Variants in DCC observed in about 807,000 individuals in gnomAD.
DCC encodes DCC netrin 1 receptor, also known as netrin receptor DCC.
DCC carries 58 observed loss-of-function variants against 172.5 expected under a neutral mutation model. That is an observed-to-expected ratio of 0.34 (90% CI 0.27 to 0.42). The LOEUF is 0.42. DCC is among the 10% of genes least tolerant of loss of function. The probability of loss-of-function intolerance (pLI) is 1.00; values close to 1 mark genes in which losing one functional copy is unlikely to be tolerated. For synonymous variants in DCC, 709 were observed against 644.5 expected (o/e 1.10, Z -1.52); for missense variants, 1,740 against 1,791.0 (o/e 0.97, Z 0.51).
At chr18:53,063,485 T>C (rs2042524575) in intron 6 of DCC, 26 bp downstream of exon 6, 1 of 1,532,520 alleles carries the variant, frequency 6.5e-7, no homozygotes, top group African/African-American at 1.4e-5. Flanking sequence ...CATATTTGTT[T>C]TATAATCCCA....
At chr18:53,242,357 T>G (rs546292797) in intron 12 of DCC, among the ~76,000 whole-genome samples, 2 of 152,290 alleles carry the variant, frequency 1.3e-5, no homozygotes, top group Admixed American at 1.3e-4. Flanking sequence ...TTGTTCTAAT[T>G]TGCATTTAGG....
rs553716754 is a variant in DCC, at chr18:53,063,413, T to G, written c.1094T>G (p.Met365Arg). The G allele has an allele frequency of 1.2e-6, 2 of 1,612,582 alleles. No homozygotes were observed. Among genetic ancestry groups the G allele is most frequent in the South Asian group, 1.1e-5 (1 of 91,024 alleles). ...SGKPVPTVNW[M>R]KNGDVVIPSD... ...AAGCCTGTGCCCACTGTGAATTGGA[T>G]GAAGAATGGAGATGTGGTCATTCCT... Residue 365 changes from methionine to arginine, a missense_variant, in exon 6 of 29, where the codon ATG becomes AGG. Transcript: ENST00000442544.
intron 3 of DCC, among the ~76,000 whole-genome samples, chr18:52,922,688 A>C (rs2040144324): frequency 6.6e-6 from 1 of 152,142 alleles, no homozygotes; most frequent in Non-Finnish European, 1.5e-5. Flanking sequence ...ACTTTGAGTG[A>C]CATAATTTTA....
chr18:53,516,164 A>ATCTT (rs1445140297), intron 27 of DCC, among the ~76,000 whole-genome samples: 2 of 151,228 alleles, frequency 1.3e-5, no homozygotes, highest in African/African-American at 2.5e-5. Flanking sequence ...CAACTATGTG[A>ATCTT]TCTTTGACAA....
chr18:53,522,067 A>C (rs1215429711), intron 27 of DCC, among the ~76,000 whole-genome samples: 1 of 152,106 alleles, frequency 6.6e-6, no homozygotes, highest in Non-Finnish European at 1.5e-5. Context: ...GTTGGTAGAT[A>C]CCTTCTCAAG....
At chr18:53,233,879 C>T (rs138039870) in intron 12 of DCC, among the ~76,000 whole-genome samples, 8 of 152,166 alleles carry the variant, frequency 5.3e-5, no homozygotes, top group Non-Finnish European at 1.0e-4. Flanking sequence ...TTTGGGAGGC[C>T]GAGTTGGGTG....
At chr18:52,971,101 A>T (rs1372932089) in intron 5 of DCC, among the ~76,000 whole-genome samples, 1 of 152,148 alleles carries the variant, frequency 6.6e-6, no homozygotes, top group Admixed American at 6.5e-5. Flanking sequence ...TCTGACTCTG[A>T]GACAGATGAC....
In DCC at chr18:52,654,250, A is replaced by G. The variant is rs957432836; in HGVS notation, c.92-97804A>G. Among the ~76,000 whole-genome samples, 24 of 152,194 alleles carry G rather than the reference A, an allele frequency of 1.6e-4. 1 individual carries two copies. The highest frequency in any genetic ancestry group is 5.5e-4 in the African/African-American group (23 of 41,462). On this transcript the variant is annotated intron_variant, in intron 1 of 28. Transcript: ENST00000442544. The stretch of plus-strand genomic sequence containing the variant: ...AAAATATCTAATTGCAAGAGCAGTA[A>G]TGAAACACTACAGGTGGGAGGGTGG...
chr18:53,124,954 A>AT (rs2043534282), intron 7 of DCC, among the ~76,000 whole-genome samples: 1 of 151,224 alleles, frequency 6.6e-6, no homozygotes, highest in African/African-American at 2.4e-5. Context: ...TGGGCAGCAG[A>AT]GTGAGACTCC....
At chr18:53,062,258 T>C (rs1401075330) in intron 5 of DCC, among the ~76,000 whole-genome samples, 1 of 152,068 alleles carries the variant, frequency 6.6e-6, no homozygotes, top group African/African-American at 2.4e-5. Flanking sequence ...GATTGGACAT[T>C]AGCTTTGGTG....
At position 53,351,443 on chromosome 18, in the gene DCC, GTATATATATATATACACAGTGTGTATA is replaced by G. The variant is rs2057808888; in HGVS notation, c.2359+11551_2359+11577del. 3.8e-4 allele frequency among the ~76,000 whole-genome samples: 12 copies of G among 31,904 alleles called. 1 individual carries two copies. The highest frequency in any genetic ancestry group is 2.2e-3 in the Admixed American group (5 of 2,310). 20.9% of individuals were successfully genotyped at this position (31,904 alleles called of 152,430 possible). A position where few individuals can be genotyped will look rare whatever the true frequency, so the allele number is the denominator to read the frequency against. ...CACACTGTGTATATATATATACAGT[GTATATATATATATACACAGTGTGTATA>G]TATATATATATATATATATAGTGTG... On this transcript the variant is annotated intron_variant, in intron 15 of 28. Coordinates refer to ENST00000442544, the MANE Select transcript of DCC (RefSeq NM_005215.4).
chr18:53,456,925 C>G (rs931171519), intron 23 of DCC, among the ~76,000 whole-genome samples: 1 of 152,164 alleles, frequency 6.6e-6, no homozygotes, highest in African/African-American at 2.4e-5. Context: ...AGTTTTATTA[C>G]AAACCTGCTG....
chr18:52,836,727 C>T (rs965771914), intron 2 of DCC, among the ~76,000 whole-genome samples: 1 of 152,176 alleles, frequency 6.6e-6, no homozygotes, highest in African/African-American at 2.4e-5. Context: ...CATTGAGTGC[C>T]AGTGGCTCTT....
chr18:53,158,212 T>C (rs1320907810), intron 8 of DCC, among the ~76,000 whole-genome samples: 1 of 152,226 alleles, frequency 6.6e-6, no homozygotes, highest in African/African-American at 2.4e-5. Flanking sequence ...AAGTTGCATA[T>C]ATAAATGTCA....
At chr18:53,256,131 A>C (rs2056509290) in intron 12 of DCC, among the ~76,000 whole-genome samples, 1 of 152,128 alleles carries the variant, frequency 6.6e-6, no homozygotes, top group African/African-American at 2.4e-5. Context: ...TCAGATGAGT[A>C]GATTGCAAAA....
At chr18:52,910,571 CAT>C (rs2039957928) in intron 3 of DCC, among the ~76,000 whole-genome samples, 1 of 152,062 alleles carries the variant, frequency 6.6e-6, no homozygotes, top group Admixed American at 6.6e-5. Context: ...TGATGGCGAA[CAT>C]GTGATGAATG....
chr18:53,243,847 C>A, intron 12 of DCC, among the ~76,000 whole-genome samples: 1 of 152,126 alleles, frequency 6.6e-6, no homozygotes, highest in Non-Finnish European at 1.5e-5. Flanking sequence ...AAAGTCTTCT[C>A]TTTCTTTTTA....
intron 2 of DCC, among the ~76,000 whole-genome samples, chr18:52,861,836 G>A (rs868847162): frequency 1.3e-5 from 2 of 152,124 alleles, no homozygotes; most frequent in South Asian, 2.1e-4. Context: ...CTGTATTCAA[G>A]AGTATTTCAG....
intron 1 of DCC, among the ~76,000 whole-genome samples, chr18:52,468,896 G>A (rs1469123532): frequency 6.6e-6 from 1 of 152,048 alleles, no homozygotes; most frequent in Non-Finnish European, 1.5e-5. Flanking sequence ...TTCAGGAATA[G>A]ACATACAACC....
Sources: allele counts gnomAD v4.1 joint callset (sites outside exome capture counted in the v4.1 genomes callset), GRCh38; gene constraint gnomAD v4.1.1; transcripts MANE v1.5; gene names NCBI Gene and HGNC (gene_info 2026-07-23, HGNC 2026-07-21).